Variants in DCAF8L2 observed in about 807,000 individuals in gnomAD.
The protein encoded by DCAF8L2 is DDB1- and CUL4-associated factor 8-like protein 2.
For synonymous variants in DCAF8L2, 200 were observed against 190.9 expected (o/e 1.05, Z -0.39); for missense variants, 430 against 490.7 (o/e 0.88, Z 1.17).
chrX:27,486,837 A>G, the DCAF8L2 span, among the ~76,000 whole-genome samples: 3 of 111,551 alleles, frequency 2.7e-5, no homozygotes, highest in Non-Finnish European at 3.8e-5. Flanking sequence ...ATCTATCCTA[A>G]GGTCAGTTTT....
At chrX:27,603,767 T>C (rs1346411896) in intron 1 of DCAF8L2, among the ~76,000 whole-genome samples, 2 of 111,946 alleles carry the variant, frequency 1.8e-5, no homozygotes, top group Non-Finnish European at 3.8e-5. Flanking sequence ...ATGAAATGTG[T>C]GTTATCAGTT....
the DCAF8L2 span, among the ~76,000 whole-genome samples, chrX:27,584,989 C>T: frequency 1.9e-4 from 21 of 111,179 alleles, no homozygotes; most frequent in Non-Finnish European, 3.2e-4. Flanking sequence ...CATAATTATC[C>T]AGTGTAAAAC....
chrX:27,694,051 C>A (rs1412358227), intron 3 of DCAF8L2, among the ~76,000 whole-genome samples: 1 of 111,945 alleles, frequency 8.9e-6, no homozygotes, highest in Admixed American at 9.5e-5. Flanking sequence ...GAAATCATGT[C>A]CTTAGCAGCA....
rs1310160254 is a variant in DCAF8L2, at chrX:27,748,099, A to G, written c.1204A>G (p.Lys402Glu). Residue 402 changes from lysine to glutamate, a missense_variant, in exon 5 of 5, where the codon AAA (lysine) becomes GAA (glutamate). Physicochemically the swap from Lys to Glu is moderately conservative, Grantham distance 56. Transcript: ENST00000451261. ...TTATGACCAGAGGAAAATTGATAAG[A>G]AAGAAAACAATGGCGTGCTCAAGAA... ...RIYDQRKIDK[K>E]ENNGVLKKFT... 1 of 1,211,900 alleles carries G rather than the reference A, an allele frequency of 8.3e-7. No homozygotes were observed. Among genetic ancestry groups the G allele is most frequent in the Non-Finnish European group, 1.1e-6 (1 of 895,501 alleles).
At chrX:27,496,931 T>C in the DCAF8L2 span, among the ~76,000 whole-genome samples, 3 of 112,297 alleles carry the variant, frequency 2.7e-5, no homozygotes, top group African/African-American at 9.7e-5. Context: ...AAGAATTATG[T>C]TGCCTGGAAA....
At chrX:27,596,164 A>G (rs988760192) in intron 1 of DCAF8L2, among the ~76,000 whole-genome samples, 3 of 112,264 alleles carry the variant, frequency 2.7e-5, no homozygotes, top group African/African-American at 9.7e-5. Context: ...CTTCCATTAT[A>G]CTTTGAAGAT....
the DCAF8L2 span, among the ~76,000 whole-genome samples, chrX:27,584,897 G>T: frequency 9.0e-6 from 1 of 111,687 alleles, no homozygotes; most frequent in Non-Finnish European, 1.9e-5. Flanking sequence ...ACGCTGAGCA[G>T]AATGTGCTAC....
chrX:27,585,517 A>T (rs1029147098), upstream of DCAF8L2, among the ~76,000 whole-genome samples: 4 of 112,042 alleles, frequency 3.6e-5, no homozygotes, highest in African/African-American at 1.3e-4. Flanking sequence ...TTCCACCACC[A>T]TCTAAATTTT....
intron 4 of DCAF8L2, among the ~76,000 whole-genome samples, chrX:27,737,957 CACG>C (rs1409242496): frequency 9.0e-6 from 1 of 111,515 alleles, no homozygotes. Context: ...GGGCAGAAAA[CACG>C]ACAAGCCCAC....
At chrX:27,493,264 C>A in the DCAF8L2 span, among the ~76,000 whole-genome samples, 1 of 111,057 alleles carries the variant, frequency 9.0e-6, no homozygotes, top group Non-Finnish European at 1.9e-5. Flanking sequence ...TAAATTAAAA[C>A]GAGATTGATG....
At chrX:27,542,867 T>C in the DCAF8L2 span, among the ~76,000 whole-genome samples, 3 of 111,341 alleles carry the variant, frequency 2.7e-5, no homozygotes, top group African/African-American at 9.8e-5. Context: ...TTAAATTCCT[T>C]ATAGATTCTG....
the DCAF8L2 span, among the ~76,000 whole-genome samples, chrX:27,548,387 C>CA: frequency 9.0e-6 from 1 of 111,391 alleles, no homozygotes; most frequent in African/African-American, 3.3e-5. Flanking sequence ...ACTCTTTCTT[C>CA]AAAATGGTGT....
At chrX:27,539,776 G>A in the DCAF8L2 span, among the ~76,000 whole-genome samples, 1 of 110,843 alleles carries the variant, frequency 9.0e-6, no homozygotes, top group Non-Finnish European at 1.9e-5. Context: ...AGGGATGTTG[G>A]TGTTGCCAAC....
At chrX:27,688,512 T>C (rs1158093595) in intron 3 of DCAF8L2, among the ~76,000 whole-genome samples, 1 of 111,969 alleles carries the variant, frequency 8.9e-6, no homozygotes, top group East Asian at 2.8e-4. Flanking sequence ...CAACTATGAG[T>C]ATCAAATAAA....
intron 1 of DCAF8L2, among the ~76,000 whole-genome samples, chrX:27,619,004 A>AATCTATCATCTATCT (rs373882054): frequency 2.2e-3 from 225 of 101,677 alleles, no homozygotes; most frequent in Admixed American, 3.9e-3. Flanking sequence ...ATCTATATCT[A>AATCTATCATCTATCT]ATCTATCTAT....
chrX:27,656,147 G>A lies in DCAF8L2; in HGVS notation c.-219-21689G>A, dbSNP rs1025985213. ...GCATGTGTGATGTATTTGTAGCATC[G>A]CCATTACATTTATACATCTGTGATC... On this transcript the variant is annotated intron_variant, in intron 2 of 4. Coordinates refer to ENST00000451261, the MANE Select transcript of DCAF8L2 (RefSeq NM_001353450.2). Among the ~76,000 whole-genome samples the A allele has an allele frequency of 4.5e-5, 5 of 111,453 alleles. No homozygotes were observed. The Admixed American group carries it at 4.8e-4, about 11-fold the overall frequency.
chrX:27,722,432 A>G (rs1931930453), intron 4 of DCAF8L2, among the ~76,000 whole-genome samples: 1 of 111,625 alleles, frequency 9.0e-6, no homozygotes, highest in Non-Finnish European at 1.9e-5. Flanking sequence ...CTCTTACATT[A>G]GTCTAAAATT....
At chrX:27,744,498 T>C (rs1922055198) in intron 4 of DCAF8L2, among the ~76,000 whole-genome samples, 1 of 112,012 alleles carries the variant, frequency 8.9e-6, no homozygotes, top group Non-Finnish European at 1.9e-5. Context: ...GAAACACTGC[T>C]TAAAACAAAT....
intron 3 of DCAF8L2, among the ~76,000 whole-genome samples, chrX:27,680,995 G>A (rs1367043987): frequency 2.7e-5 from 3 of 111,627 alleles, no homozygotes; most frequent in African/African-American, 9.8e-5. Context: ...TGAAGATAAT[G>A]CTAGAGAAAA....
Sources: allele counts gnomAD v4.1 joint callset (sites outside exome capture counted in the v4.1 genomes callset), GRCh38; gene constraint gnomAD v4.1.1; transcripts MANE v1.5; gene names NCBI Gene and HGNC (gene_info 2026-07-23, HGNC 2026-07-21).